NINL: variants seen among roughly 807,000 people sequenced by gnomAD.
The protein encoded by NINL is ninein-like protein.
NINL carries 153 observed loss-of-function variants against 160.3 expected under a neutral mutation model. That is an observed-to-expected ratio of 0.95 (90% CI 0.84 to 1.09). NINL has a LOEUF of 1.09. NINL is among the 50% of genes least tolerant of loss of function. NINL has a pLI of 0.00. For synonymous variants in NINL, 800 were observed against 734.8 expected (o/e 1.09, Z -1.43); for missense variants, 1,829 against 1,764.0 (o/e 1.04, Z -0.66).
chr20:25,453,372 G>T lies in NINL; in HGVS notation c.*79C>A. 2 of 1,305,680 alleles carry T rather than the reference G, an allele frequency of 1.5e-6. No homozygotes were observed. Among genetic ancestry groups the T allele is most frequent in the South Asian group, 2.8e-5 (2 of 71,150 alleles). The allele number at this position is 1,305,680 out of a possible 1,614,324, so 80.9% of individuals were successfully genotyped here. On this transcript the variant is annotated 3_prime_UTR_variant, in exon 24 of 24. Coordinates refer to ENST00000278886, the MANE Select transcript of NINL (RefSeq NM_025176.6). ...AGATGTCCCAGGACTCATGGCTCAT[G>T]ACCCACGGAATCTAAGGCAGCACAG...
At chr20:25,530,881 A>G (rs75118674) in intron 1 of NINL, among the ~76,000 whole-genome samples, 4 of 152,202 alleles carry the variant, frequency 2.6e-5, no homozygotes, top group African/African-American at 9.7e-5. Context: ...TTTCAGGCAC[A>G]CATTGTCATT....
Position 25,473,875 on chromosome 20 carries a change from T to A in NINL, c.3248+2168A>T, listed in dbSNP as rs145744941. 3.0e-3 allele frequency among the ~76,000 whole-genome samples: 456 copies of A among 151,710 alleles called. 2 individuals carry two copies. The highest frequency in any genetic ancestry group is 6.8e-3 in the Middle Eastern group (2 of 294). ...AGAGTGAGACTCCGTCTCAAAAAAA[T>A]AAATAAATAAATAAATAAAAAGTTA... On this transcript the variant is annotated intron_variant, in intron 17 of 23. Coordinates refer to ENST00000278886, the MANE Select transcript of NINL (RefSeq NM_025176.6).
At chr20:25,508,036 C>T (rs1168270775) in intron 5 of NINL, among the ~76,000 whole-genome samples, 2 of 152,176 alleles carry the variant, frequency 1.3e-5, no homozygotes, top group African/African-American at 4.8e-5. Context: ...CTCCTGCGAG[C>T]CCTTCCCTTC....
chr20:25,492,669 G>T (rs577113372), intron 10 of NINL, among the ~76,000 whole-genome samples: 1 of 152,148 alleles, frequency 6.6e-6, no homozygotes, highest in African/African-American at 2.4e-5. Flanking sequence ...AGCCAGGATG[G>T]TCTCAATCTC....
intron 13 of NINL, among the ~76,000 whole-genome samples, chr20:25,488,622 G>A (rs999092312): frequency 4.6e-5 from 7 of 151,948 alleles, no homozygotes; most frequent in South Asian, 4.1e-4. Flanking sequence ...TGAGCATCCC[G>A]TCCTCTGTTT....
At chr20:25,472,985 G>A in intron 17 of NINL, among the ~76,000 whole-genome samples, 1 of 152,120 alleles carries the variant, frequency 6.6e-6, no homozygotes, top group Non-Finnish European at 1.5e-5. Flanking sequence ...CCATCAACAG[G>A]AGAAAAGAAT....
At chr20:25,523,097 T>C (rs1048410561) in intron 2 of NINL, among the ~76,000 whole-genome samples, 2 of 152,152 alleles carry the variant, frequency 1.3e-5, no homozygotes, top group Admixed American at 1.3e-4. Context: ...AGATTACTTA[T>C]AATAGCCAAT....
Position 25,459,314 on chromosome 20 carries a change from T to C in NINL, c.3697-785A>G, listed in dbSNP as rs569602206. ...GCCACACTGCCAGGTCCGGCTTCCC[T>C]TCAGTAGTCCCTGCACTGACTCAGC... On this transcript the variant is annotated intron_variant, in intron 21 of 23. Transcript: ENST00000278886. Among the ~76,000 whole-genome samples, 8 of 152,108 alleles carry C rather than the reference T, an allele frequency of 5.3e-5. No individual in the cohort carries two copies. In the East Asian group the frequency reaches 1.6e-3, roughly 29 times the overall value.
chr20:25,483,103 G>C (rs1210787662), intron 13 of NINL, among the ~76,000 whole-genome samples: 1 of 151,086 alleles, frequency 6.6e-6, no homozygotes, highest in Non-Finnish European at 1.5e-5. Flanking sequence ...GGGAGGCTGA[G>C]GTGGGCAGAT....
At chr20:25,539,145 T>C (rs1032984580) in intron 1 of NINL, among the ~76,000 whole-genome samples, 7 of 152,168 alleles carry the variant, frequency 4.6e-5, no homozygotes, top group African/African-American at 1.7e-4. Flanking sequence ...AGCACAGTTG[T>C]GTGCACACTC....
intron 15 of NINL, 123 bp downstream of exon 15, chr20:25,480,038 G>T (rs2063353999): frequency 2.8e-6 from 2 of 708,816 alleles, no homozygotes; most frequent in Non-Finnish European, 5.0e-6. Flanking sequence ...TCCCCAAAGG[G>T]GCTCACAATG....
chr20:25,585,507 C>T lies in NINL; in HGVS notation c.-64G>A, dbSNP rs2065220835. ...CGCGGGGCCAGGAGCGCGGCACCACCCCCGTACCGCCGGCCGCTCTTTGTG... is the reference window on the plus strand; with the variant it reads ...CGCGGGGCCAGGAGCGCGGCACCACTCCCGTACCGCCGGCCGCTCTTTGTG... On this transcript the variant is annotated 5_prime_UTR_variant, in exon 1 of 24. Transcript: ENST00000278886. 1 of 152,228 alleles carries T rather than the reference C, an allele frequency of 6.6e-6. No individual in the cohort carries two copies. Among genetic ancestry groups the T allele is most frequent in the African/African-American group, 2.4e-5 (1 of 41,456 alleles). 9.4% of individuals were successfully genotyped at this position (152,228 alleles called of 1,614,324 possible). A position where few individuals can be genotyped will look rare whatever the true frequency, so the allele number is the denominator to read the frequency against.
intron 1 of NINL, among the ~76,000 whole-genome samples, chr20:25,536,233 C>A (rs1046351010): frequency 2.5e-4 from 38 of 152,206 alleles, no homozygotes; most frequent in African/African-American, 9.2e-4. Context: ...AAGACACAGG[C>A]TCACGATCTG....
intron 11 of NINL, among the ~76,000 whole-genome samples, chr20:25,490,326 C>T (rs112092638): frequency 4.6e-5 from 7 of 152,184 alleles, no homozygotes; most frequent in Admixed American, 1.3e-4. Context: ...TTTGGGAGGC[C>T]GAGGCGGGCG....
intron 1 of NINL, among the ~76,000 whole-genome samples, chr20:25,570,023 A>T (rs1455493518): frequency 6.6e-6 from 1 of 152,122 alleles, no homozygotes; most frequent in African/African-American, 2.4e-5. Context: ...CACTAAAAAA[A>T]AAAAAAAATT....
chr20:25,477,867 G>A (rs1023178622), intron 16 of NINL, among the ~76,000 whole-genome samples: 3 of 151,860 alleles, frequency 2.0e-5, no homozygotes, highest in Non-Finnish European at 2.9e-5. Context: ...CTTACCACAC[G>A]CTCTTGGCTT....
intron 1 of NINL, among the ~76,000 whole-genome samples, chr20:25,561,678 C>A (rs1358827975): frequency 6.7e-6 from 1 of 149,832 alleles, no homozygotes; most frequent in Non-Finnish European, 1.5e-5. Context: ...AGCGCCTCTG[C>A]CCCGCCGCCC....
intron 1 of NINL, among the ~76,000 whole-genome samples, chr20:25,561,195 C>T (rs539290156): frequency 6.6e-6 from 1 of 152,342 alleles, no homozygotes; most frequent in Non-Finnish European, 1.5e-5. Context: ...CGCCGCCACG[C>T]CTGACGGGTT....
At position 25,534,474 on chromosome 20, in the gene NINL, T is replaced by C. The variant is rs554325246; in HGVS notation, c.-11-7876A>G. On this transcript the variant is annotated intron_variant, in intron 1 of 23. Coordinates refer to ENST00000278886, the MANE Select transcript of NINL (RefSeq NM_025176.6). Reference sequence around the variant, plus strand: ...GTGTTGTTAGGTGATTTTGTTGTTATGCAAACATCACAGAGTGTACTTACA... The same window carrying C: ...GTGTTGTTAGGTGATTTTGTTGTTACGCAAACATCACAGAGTGTACTTACA... 9.2e-5 allele frequency among the ~76,000 whole-genome samples: 14 copies of C among 152,344 alleles called. No homozygotes were observed. In the South Asian group the frequency reaches 2.9e-3, roughly 32 times the overall value.
Sources: gnomAD v4.1 joint callset for allele counts (sites outside exome capture counted in the v4.1 genomes callset) on GRCh38, gnomAD v4.1.1 for gene constraint, MANE v1.5 for transcripts, NCBI Gene and HGNC (gene_info 2026-07-23, HGNC 2026-07-21) for gene names.